The following RFLNA variants were observed in gnomAD, a reference collection of about 807,000 sequenced individuals.
The protein encoded by RFLNA is refilin A, also known as refilin-A.
RFLNA carries 5 observed loss-of-function variants against 7.8 expected under a neutral mutation model. The ratio of observed to expected loss-of-function variants is 0.64; its 90% CI spans 0.34 to 1.35. The LOEUF is 1.35. Among genes scored for constraint, RFLNA ranks in the 40% most tolerant of loss-of-function variants. The pLI, the probability that RFLNA is intolerant of heterozygous loss-of-function variation, is 0.04. For missense variants in RFLNA, 278 were observed against 305.5 expected (o/e 0.91, Z 0.67); for synonymous variants, 141 against 131.3 (o/e 1.07, Z -0.50).
intron 1 of RFLNA, among the ~76,000 whole-genome samples, chr12:124,309,325 A>G (rs968225806): frequency 6.6e-6 from 1 of 152,112 alleles, no homozygotes; most frequent in African/African-American, 2.4e-5. Context: ...GACAGTTGGA[A>G]TCTTAGTCCA....
Position 124,295,512 on chromosome 12 carries a change from C to A in RFLNA, c.83C>A (p.Ser28Tyr). ...GREGLLDSPD[S>Y]GLPPSPSPSP... ...GAGGGCTTGCTGGACAGCCCCGACTCCGGGCTGCCCCCCAGCCCCAGCCCC... is the reference window on the plus strand; with the variant it reads ...GAGGGCTTGCTGGACAGCCCCGACTACGGGCTGCCCCCCAGCCCCAGCCCC... Residue 28 changes from serine to tyrosine, a missense_variant, in exon 1 of 3, where the codon TCC (serine) becomes TAC (tyrosine). Physicochemically the swap from Ser to Tyr is moderately radical, Grantham distance 144. Transcript: ENST00000546355. 1 of 1,274,642 alleles carries A rather than the reference C, an allele frequency of 7.8e-7. No homozygotes were observed. Among genetic ancestry groups the A allele is most frequent in the Non-Finnish European group, 9.9e-7 (1 of 1,013,048 alleles). The allele number at this position is 1,274,642 out of a possible 1,614,324, so 79.0% of individuals were successfully genotyped here.
intron 1 of RFLNA, among the ~76,000 whole-genome samples, chr12:124,297,469 C>G (rs982732466): frequency 4.6e-5 from 7 of 152,054 alleles, no homozygotes; most frequent in African/African-American, 1.7e-4. Flanking sequence ...TTATTTACAC[C>G]AATTCATTTA....
At chr12:124,303,357 C>T (rs1165251398) in intron 1 of RFLNA, among the ~76,000 whole-genome samples, 1 of 152,196 alleles carries the variant, frequency 6.6e-6, no homozygotes, top group East Asian at 1.9e-4. Flanking sequence ...CTGGGTGAAG[C>T]GGGTGGGGCC....
intron 1 of RFLNA, among the ~76,000 whole-genome samples, chr12:124,300,800 A>ATGGACAGAAGAATGGG (rs2034021518): frequency 1.3e-5 from 2 of 149,824 alleles, no homozygotes; most frequent in Non-Finnish European, 3.0e-5. Flanking sequence ...GGATGGATGG[A>ATGGACAGAAGAATGGG]TGGATGGATG....
intron 1 of RFLNA, among the ~76,000 whole-genome samples, chr12:124,301,761 G>A (rs1169617432): frequency 1.3e-5 from 2 of 152,116 alleles, no homozygotes; most frequent in Non-Finnish European, 2.9e-5. Flanking sequence ...CCCAAGCCCC[G>A]CAGCCTGTGC....
intron 1 of RFLNA, among the ~76,000 whole-genome samples, chr12:124,308,240 C>CTTG (rs1428993799): frequency 1.3e-5 from 2 of 152,220 alleles, no homozygotes; most frequent in African/African-American, 4.8e-5. Flanking sequence ...CCTCGGCCTC[C>CTTG]CAAAGTGCTA....
rs1457902343 is a variant in RFLNA at position 124,315,644 on chromosome 12, G to GCTGGGGGAGCCCCCAGC, written c.*1126_*1142dup. 6.6e-6 allele frequency: 1 copy of GCTGGGGGAGCCCCCAGC among 152,306 alleles called. No homozygotes were observed. The highest frequency in any genetic ancestry group is 2.4e-5 in the African/African-American group (1 of 41,458). 9.4% of individuals were successfully genotyped at this position (152,306 alleles called of 1,614,324 possible). On this transcript the variant is annotated 3_prime_UTR_variant, in exon 3 of 3. Coordinates refer to ENST00000546355, the MANE Select transcript of RFLNA (RefSeq NM_001365156.1). ...TGGAACAAGCCAGGATGCACGGGGA[G>GCTGGGGGAGCCCCCAGC]CTGGGGGAGCCCCCAGCCTGGGGCA...
At chr12:124,309,211 C>A (rs778957195) in intron 1 of RFLNA, among the ~76,000 whole-genome samples, 19 of 152,126 alleles carry the variant, frequency 1.2e-4, no homozygotes, top group Non-Finnish European at 2.4e-4. Context: ...GCTTCCCCCC[C>A]ACCGATCACA....
chr12:124,304,217 C>G (rs2034098649), intron 1 of RFLNA, among the ~76,000 whole-genome samples: 1 of 152,270 alleles, frequency 6.6e-6, no homozygotes, highest in Admixed American at 6.5e-5. Context: ...CTGCCACCAT[C>G]TTCCCTTGGT....
At chr12:124,304,802 C>A (rs1023712405) in intron 1 of RFLNA, among the ~76,000 whole-genome samples, 3 of 152,212 alleles carry the variant, frequency 2.0e-5, no homozygotes, top group African/African-American at 7.2e-5. Context: ...ATGTCCCCTT[C>A]CACACTGGTG....
Position 124,311,937 on chromosome 12 carries a change from C to G in RFLNA, c.317+10C>G. On this transcript the variant is annotated intron_variant, in intron 2 of 2. Transcript: ENST00000546355. ...CCACGCATGAGATCCGGTGAGTGGG[C>G]CACTGGGCTCTGCGCGGGAGGAGGG... The G allele has an allele frequency of 6.4e-7, 1 of 1,567,046 alleles. No homozygotes were observed. Among genetic ancestry groups the G allele is most frequent in the Non-Finnish European group, 8.6e-7 (1 of 1,159,676 alleles).
At chr12:124,303,053 G>A (rs1389031673) in intron 1 of RFLNA, among the ~76,000 whole-genome samples, 2 of 152,178 alleles carry the variant, frequency 1.3e-5, no homozygotes, top group African/African-American at 4.8e-5. Flanking sequence ...TGGCTCCTGG[G>A]TGAAAGCTCA....
intron 1 of RFLNA, among the ~76,000 whole-genome samples, chr12:124,297,153 C>T (rs778448096): frequency 7.9e-5 from 12 of 152,244 alleles, no homozygotes; most frequent in Non-Finnish European, 1.3e-4. Flanking sequence ...ACCTGGAATC[C>T]GCCTTCTCCT....
chr12:124,311,000 A>G (rs527284120), intron 1 of RFLNA, among the ~76,000 whole-genome samples: 2 of 152,322 alleles, frequency 1.3e-5, no homozygotes, highest in East Asian at 3.9e-4. Flanking sequence ...AGGCATTTGA[A>G]CAATGTTGGA....
rs576874552 is a variant in RFLNA at position 124,289,988 on chromosome 12, G to A, written c.-37+618G>A. On this transcript the variant is annotated intron_variant, in intron 1 of 2. Coordinates refer to the RFLNA transcript ENST00000324038. The surrounding 1 kb of genome is among the most constrained non-coding windows in gnomAD (Gnocchi z 5.0). ...AGCTCAGACAGGGCCTGTAAGGAGCGTGTGATCAAGAAGCCACTCTTCTTG... is the reference window on the plus strand; with the variant it reads ...AGCTCAGACAGGGCCTGTAAGGAGCATGTGATCAAGAAGCCACTCTTCTTG... Among the ~76,000 whole-genome samples the A allele has an allele frequency of 2.0e-5, 3 of 152,316 alleles. No homozygotes were observed. The highest frequency in any genetic ancestry group is 6.5e-5 in the Admixed American group (1 of 15,306).
rs1220557121 is a variant in RFLNA, at chr12:124,314,306, C to T, written c.432C>T (p.Cys144=). 2 of 1,613,530 alleles carry T rather than the reference C, an allele frequency of 1.2e-6. No individual in the cohort carries two copies. The highest frequency in any genetic ancestry group is 1.7e-6 in the Non-Finnish European group (2 of 1,180,028). The stretch of plus-strand genomic sequence containing the variant: ...AGACCATCGTGGCAGCACCCAACTG[C>T]ACGTGGCGCAACTACCGCAGCCAGC... ...YSETIVAAPN[C]TWRNYRSQLT... Residue 144 remains cysteine, a synonymous_variant, in exon 3 of 3, where the codon TGC becomes TGT. Coordinates refer to ENST00000546355, the MANE Select transcript of RFLNA (RefSeq NM_001365156.1).
At chr12:124,314,076 C>A in intron 2 of RFLNA, 116 bp from the exon 3 acceptor site, 2 of 1,326,094 alleles carry the variant, frequency 1.5e-6, no homozygotes, top group Admixed American at 2.5e-5. Context: ...CAGAGCAGCC[C>A]ACACCCGTTA....
upstream of RFLNA, among the ~76,000 whole-genome samples, chr12:124,292,292 G>A (rs897183486): frequency 1.3e-5 from 2 of 152,072 alleles, no homozygotes; most frequent in Non-Finnish European, 2.9e-5. Context: ...TTCCTACAGC[G>A]CTGGGCCTGG....
intron 1 of RFLNA, among the ~76,000 whole-genome samples, chr12:124,307,835 G>A (rs1461775034): frequency 1.3e-5 from 2 of 152,170 alleles, no homozygotes; most frequent in African/African-American, 4.8e-5. Flanking sequence ...TCCAATCGAG[G>A]TGTGAGCAGG....
Sources: allele counts gnomAD v4.1 joint callset (sites outside exome capture counted in the v4.1 genomes callset), GRCh38; gene constraint gnomAD v4.1.1; non-coding constraint Gnocchi (gnomAD v3.1); transcripts MANE v1.5; gene names NCBI Gene and HGNC (gene_info 2026-07-23, HGNC 2026-07-21).